Variants in GLB1L3 observed in about 807,000 individuals in gnomAD.
GLB1L3 encodes the protein beta-galactosidase-1-like protein 3.
In GLB1L3, 89 loss-of-function variants were observed where a neutral mutation model predicts 89.5. The observed-to-expected ratio is 0.99, with a 90% CI of 0.84 to 1.19. The LOEUF (loss-of-function observed/expected upper bound fraction) is 1.19. Among genes scored for constraint, GLB1L3 ranks in the 50% most tolerant of loss-of-function variants. The pLI is 0.00. For synonymous variants in GLB1L3, 314 were observed against 312.3 expected (o/e 1.01, Z -0.06); for missense variants, 812 against 813.3 (o/e 1.00, Z 0.02).
Position 134,318,860 on chromosome 11 carries a change from C to A in GLB1L3, c.1897-17C>A. 1 of 1,610,662 alleles carries A rather than the reference C, an allele frequency of 6.2e-7. No homozygotes were observed. Among genetic ancestry groups the A allele is most frequent in the Non-Finnish European group, 8.5e-7 (1 of 1,177,040 alleles). On this transcript the variant is annotated splice_polypyrimidine_tract_variant and intron_variant, in intron 19 of 19. Transcript: ENST00000431683. ...AGGCTTCACCTTTCCCACTGTCAAC[C>A]TTTCTTTTCTTCTCAGGTCATCTTG...
intron 10 of GLB1L3, among the ~76,000 whole-genome samples, chr11:134,308,419 T>C (rs147279223): frequency 0.012 from 235 of 19,660 alleles, no homozygotes; most frequent in Middle Eastern, 0.042. Context: ...ACCACCACCA[T>C]CATCACCATC....
chr11:134,276,740 G>A lies in GLB1L3; in HGVS notation c.-1G>A. 6.9e-7 allele frequency: 1 copy of A among 1,450,896 alleles called. No homozygotes were observed. Among genetic ancestry groups the A allele is most frequent in the Non-Finnish European group, 9.1e-7 (1 of 1,103,684 alleles). 89.9% of individuals were successfully genotyped at this position (1,450,896 alleles called of 1,614,324 possible). On this transcript the variant is annotated 5_prime_UTR_variant, in exon 1 of 20. Transcript: ENST00000431683. ...ACCCTCGGCGCCTCGGCCTGGCCGC[G>A]ATGAAGTCCCCGCCCCTCCTCAGGT...
At chr11:134,315,355 CT>C (rs1470284326) in intron 18 of GLB1L3, among the ~76,000 whole-genome samples, 1 of 152,086 alleles carries the variant, frequency 6.6e-6, no homozygotes, top group Non-Finnish European at 1.5e-5. Context: ...GTTTAGGGAT[CT>C]CATAAAGGAT....
Position 134,276,647 on chromosome 11 carries a change from AACCGGGGCTCGAGTCCCGGC to A in GLB1L3, c.-93_-74del. 1 of 1,172,192 alleles carries A rather than the reference AACCGGGGCTCGAGTCCCGGC, an allele frequency of 8.5e-7. No homozygotes were observed. The highest frequency in any genetic ancestry group is 3.1e-4 in the Middle Eastern group (1 of 3,248). 72.6% of individuals were successfully genotyped at this position (1,172,192 alleles called of 1,614,324 possible). On this transcript the variant is annotated 5_prime_UTR_variant, in exon 1 of 20. Transcript: ENST00000431683. ...GCGCAGACCTGAGCCTGCCCCGCGG[AACCGGGGCTCGAGTCCCGGC>A]CCGAGCGCGGCGTCGGGGCCAGCGG...
chr11:134,277,673 T>C (rs1591527089), intron 2 of GLB1L3, 27 bp from the exon 3 acceptor site: 2 of 1,584,148 alleles, frequency 1.3e-6, no homozygotes, highest in East Asian at 4.6e-5. Flanking sequence ...CCCTTTCCAC[T>C]TTCTTTCCCT....
At chr11:134,316,537 G>A (rs1198844294) in intron 18 of GLB1L3, among the ~76,000 whole-genome samples, 3 of 152,080 alleles carry the variant, frequency 2.0e-5, no homozygotes, top group Non-Finnish European at 2.9e-5. Context: ...AATAATAAAG[G>A]TTTCATAACA....
intron 7 of GLB1L3, 188 bp downstream of exon 7, chr11:134,289,078 C>T: frequency 2.0e-6 from 1 of 511,014 alleles, no homozygotes; most frequent in Non-Finnish European, 3.5e-6. Context: ...TTTTGACTCC[C>T]TCAAAATTTA....
At chr11:134,286,524 C>A (rs566003798) in intron 6 of GLB1L3, among the ~76,000 whole-genome samples, 3 of 152,044 alleles carry the variant, frequency 2.0e-5, no homozygotes, top group Non-Finnish European at 4.4e-5. Flanking sequence ...GCCTGTTAAT[C>A]CCAGCACTTT....
chr11:134,286,698 A>C (rs1941011039), intron 6 of GLB1L3, among the ~76,000 whole-genome samples: 1 of 151,038 alleles, frequency 6.6e-6, no homozygotes, highest in Non-Finnish European at 1.5e-5. Flanking sequence ...AATGACGTGA[A>C]CCCGGGGGGC....
intron 10 of GLB1L3, among the ~76,000 whole-genome samples, chr11:134,308,500 TACCACCACCACCACCAC>T (rs1942492440): frequency 6.5e-5 from 1 of 15,452 alleles, no homozygotes; most frequent in Non-Finnish European, 1.3e-4. Flanking sequence ...CACCACCAAA[TACCACCACCACCACCAC>T]CATGTCCACC....
chr11:134,311,121 G>C lies in GLB1L3; in HGVS notation c.1238G>C (p.Arg413Thr), dbSNP rs1254937420. ...CCCAAGGCTGTGTATCCCCCCGTGA[G>C]ACCGTCGCTGTACCTCCCGCTGTGG... ...LPPKAVYPPVRPSLYLPLWDA... is the reference protein window; with the variant it reads ...LPPKAVYPPVTPSLYLPLWDA... Residue 413 changes from arginine (R) to threonine (T), a missense_variant, in exon 13 of 20, where the codon AGA becomes ACA. Arg to Thr is a moderately conservative substitution (Grantham distance 71). Transcript: ENST00000431683. 1.9e-6 allele frequency: 3 copies of C among 1,613,930 alleles called. No individual in the cohort carries two copies. The highest frequency in any genetic ancestry group is 2.2e-5 in the South Asian group (2 of 91,060).
At chr11:134,316,411 G>A (rs1205598235) in intron 18 of GLB1L3, among the ~76,000 whole-genome samples, 2 of 152,094 alleles carry the variant, frequency 1.3e-5, no homozygotes, top group African/African-American at 4.8e-5. Flanking sequence ...TAAGACAAGC[G>A]ATGTCTATAT....
At chr11:134,308,836 G>A (rs1028121802) in intron 10 of GLB1L3, among the ~76,000 whole-genome samples, 13 of 152,188 alleles carry the variant, frequency 8.5e-5, no homozygotes, top group Admixed American at 1.3e-4. Context: ...AAGCAGTGGC[G>A]TTGAGAAAGA....
chr11:134,288,861 G>A lies in GLB1L3; in HGVS notation c.700G>A (p.Asp234Asn), dbSNP rs866439844. 1 of 1,612,944 alleles carries A rather than the reference G, an allele frequency of 6.2e-7. No individual in the cohort carries two copies. Residue 234 changes from aspartate to asparagine, a missense_variant, in exon 7 of 20, where the codon GAT becomes AAT. Transcript: ENST00000431683. The part of the protein sequence containing the change: ...VENEYGSFNK[D>N]KTYMPYLHKA... ...GAATGAGTATGGCTCATTCAATAAG[G>A]ATAAAACATACATGCCGTATCTCCA...
chr11:134,292,589 T>A, intron 8 of GLB1L3: 1 of 216,450 alleles, frequency 4.6e-6, no homozygotes, highest in South Asian at 9.2e-5. Flanking sequence ...AAGATGGGTG[T>A]TGTGTCAGGA....
Position 134,309,687 on chromosome 11 carries a change from C to A in GLB1L3, c.1023C>A (p.Phe341Leu). 3 of 1,613,004 alleles carry A rather than the reference C, an allele frequency of 1.9e-6. No individual in the cohort carries two copies. Among genetic ancestry groups the A allele is most frequent in the Non-Finnish European group, 2.5e-6 (3 of 1,179,462 alleles). The change falls in exon 11 of 20, where the codon TTC becomes TTA. Residue 341 changes from phenylalanine (F) to leucine (L), a missense_variant. Physicochemically the swap from Phe to Leu is conservative, Grantham distance 22. Coordinates refer to ENST00000431683, the MANE Select transcript of GLB1L3 (RefSeq NM_001080407.3). ...AGATCTCCTTCAATGTATATATGTT[C>A]CATGGTGGAACCAACTTTGGTTTCA... is the stretch of plus-strand genomic sequence containing the variant. ...KYEISFNVYM[F>L]HGGTNFGFMN...
chr11:134,310,753 T>C lies in GLB1L3; in HGVS notation c.1180+102T>C, dbSNP rs2136218254. 9 of 832,420 alleles carry C rather than the reference T, an allele frequency of 1.1e-5. No individual in the cohort carries two copies. The South Asian group carries it at 1.4e-4, about 13-fold the overall frequency. 51.6% of individuals were successfully genotyped at this position (832,420 alleles called of 1,614,324 possible). A position where few individuals can be genotyped will look rare whatever the true frequency, so the allele number is the denominator to read the frequency against. On this transcript the variant is annotated intron_variant, in intron 12 of 19. Transcript: ENST00000431683. ...GTGGGTCTCCCTTGTGGGCAGCAGT[T>C]ACACCAAGCTCCTGAGAACAAGGGC...
At chr11:134,323,891 A>C (rs1349896409), downstream of GLB1L3, among the ~76,000 whole-genome samples, 1 of 152,146 alleles carries the variant, frequency 6.6e-6, no homozygotes, top group Non-Finnish European at 1.5e-5. Flanking sequence ...GAGTTTCAAA[A>C]TCTTTTTTAT....
chr11:134,307,166 T>C lies in GLB1L3; in HGVS notation c.919T>C (p.Phe307Leu). Residue 307 changes from phenylalanine (F) to leucine (L), a missense_variant, in exon 10 of 20, where the codon TTC becomes CTC. By Grantham distance (22) the Phe-to-Leu change is conservative. Transcript: ENST00000431683. ...LLIMEYWVGW[F>L]DRWGDKHHVK... ...GATTATGGAATACTGGGTCGGCTGGTTCGACAGATGGGGAGATAAGCACCA... is the reference window on the plus strand; with the variant it reads ...GATTATGGAATACTGGGTCGGCTGGCTCGACAGATGGGGAGATAAGCACCA... 4 of 1,613,676 alleles carry C rather than the reference T, an allele frequency of 2.5e-6. No individual in the cohort carries two copies. Among genetic ancestry groups the C allele is most frequent in the Non-Finnish European group, 3.4e-6 (4 of 1,179,740 alleles).
Sources: gnomAD v4.1 joint callset for allele counts (sites outside exome capture counted in the v4.1 genomes callset) on GRCh38, gnomAD v4.1.1 for gene constraint, MANE v1.5 for transcripts, NCBI Gene and HGNC (gene_info 2026-07-23, HGNC 2026-07-21) for gene names.